CSMD1: variants seen among roughly 807,000 people sequenced by gnomAD.
CSMD1 encodes the protein CUB and Sushi multiple domains 1, also known as CUB and sushi domain-containing protein 1.
In CSMD1, 213 loss-of-function variants were observed where a neutral mutation model predicts 417.5. The ratio of observed to expected loss-of-function variants is 0.51; its 90% CI spans 0.46 to 0.57. The LOEUF is 0.57. CSMD1 is among the 20% of genes least tolerant of loss of function. The pLI, the probability that CSMD1 is intolerant of heterozygous loss-of-function variation, is 0.00. For synonymous variants in CSMD1, 2,862 were observed against 1,736.8 expected (o/e 1.65, Z -16.11); for missense variants, 6,923 against 4,529.7 (o/e 1.53, Z -15.17).
chr8:4,399,115 GT>G (rs566230046), intron 3 of CSMD1, among the ~76,000 whole-genome samples: 2 of 152,102 alleles, frequency 1.3e-5, no homozygotes, highest in South Asian at 4.2e-4. Flanking sequence ...AGCTTTAAGA[GT>G]TTTGTGTTTA....
intron 8 of CSMD1, among the ~76,000 whole-genome samples, chr8:3,607,028 A>T (rs1346767748): frequency 6.6e-6 from 1 of 152,074 alleles, no homozygotes; most frequent in Non-Finnish European, 1.5e-5. Context: ...TACAGTTTTT[A>T]ACTTGTGAGT....
chr8:3,121,763 C>T (rs2129020829), intron 41 of CSMD1, among the ~76,000 whole-genome samples: 1 of 152,194 alleles, frequency 6.6e-6, no homozygotes, highest in Non-Finnish European at 1.5e-5. Context: ...CATACCACTG[C>T]ACTCCAGCCT....
intron 3 of CSMD1, among the ~76,000 whole-genome samples, chr8:4,344,563 T>A (rs780499391): frequency 1.3e-5 from 2 of 150,770 alleles, no homozygotes; most frequent in Non-Finnish European, 3.0e-5. Flanking sequence ...TATAAATATA[T>A]ACATATATAA....
At chr8:4,799,100 C>T (rs752513412) in intron 1 of CSMD1, among the ~76,000 whole-genome samples, 2 of 152,158 alleles carry the variant, frequency 1.3e-5, no homozygotes, top group Admixed American at 6.5e-5. Flanking sequence ...TCTTTCCTTC[C>T]GGGCCATGGG....
intron 44 of CSMD1, among the ~76,000 whole-genome samples, chr8:3,108,315 G>A (rs1215818698): frequency 1.3e-5 from 2 of 152,150 alleles, no homozygotes; most frequent in Admixed American, 1.3e-4. Flanking sequence ...AGACAGGGAT[G>A]AGTAAATCTA....
intron 5 of CSMD1, among the ~76,000 whole-genome samples, chr8:3,917,132 G>C (rs1467669337): frequency 1.3e-5 from 2 of 152,132 alleles, no homozygotes; most frequent in African/African-American, 4.8e-5. Context: ...TAGTCTAAGA[G>C]AATGAGTGCT....
intron 49 of CSMD1, among the ~76,000 whole-genome samples, chr8:3,083,028 C>T (rs1441026893): frequency 3.3e-5 from 5 of 152,270 alleles, no homozygotes; most frequent in East Asian, 1.9e-4. Context: ...GTTTTTCCCA[C>T]GTGGAGTTCT....
At chr8:4,091,815 T>C (rs1341336838) in intron 3 of CSMD1, among the ~76,000 whole-genome samples, 1 of 152,170 alleles carries the variant, frequency 6.6e-6, no homozygotes, top group Admixed American at 6.5e-5. Context: ...GAAGAGGCCT[T>C]ATCCTTAAAA....
chr8:4,110,998 C>G (rs1056700983), intron 3 of CSMD1, among the ~76,000 whole-genome samples: 2 of 152,058 alleles, frequency 1.3e-5, no homozygotes, highest in Admixed American at 1.3e-4. Context: ...AACAAGCTCA[C>G]TAAGAGATGC....
In CSMD1 at chr8:3,309,365, C is replaced by G. The variant is rs556310026; in HGVS notation, c.3632-862G>C. ...CTCCTGAATTACTGCCGACCACACTCCTGATGGTGCATGGTTATGAGGCTC... is the reference window on the plus strand; with the variant it reads ...CTCCTGAATTACTGCCGACCACACTGCTGATGGTGCATGGTTATGAGGCTC... On this transcript the variant is annotated intron_variant, in intron 23 of 69. Transcript: ENST00000635120. Among the ~76,000 whole-genome samples the G allele has an allele frequency of 1.5e-4, 23 of 149,266 alleles. 2 individuals carry two copies. In the South Asian group the frequency reaches 4.8e-3, roughly 31 times the overall value.
intron 5 of CSMD1, among the ~76,000 whole-genome samples, chr8:3,924,487 G>T (rs1486196966): frequency 6.6e-6 from 1 of 152,034 alleles, no homozygotes; most frequent in Non-Finnish European, 1.5e-5. Flanking sequence ...AGACTTCTAT[G>T]ATACATATAT....
intron 5 of CSMD1, among the ~76,000 whole-genome samples, chr8:3,940,766 T>C (rs2554615): frequency 0.2 from 30,503 of 151,802 alleles, 3,290 homozygotes; most frequent in East Asian, 0.28. Flanking sequence ...TTTTGTTGTA[T>C]ACACAGTTCT....
intron 10 of CSMD1, among the ~76,000 whole-genome samples, chr8:3,550,814 T>C (rs1798877266): frequency 2.0e-5 from 3 of 152,198 alleles, no homozygotes; most frequent in African/African-American, 4.8e-5. Context: ...TCGTGAATAC[T>C]TGTTGGATGG....
At chr8:3,990,146 C>A (rs1814635540) in intron 5 of CSMD1, among the ~76,000 whole-genome samples, 2 of 152,076 alleles carry the variant, frequency 1.3e-5, no homozygotes, top group African/African-American at 4.8e-5. Flanking sequence ...TTTAGTTTTA[C>A]TTTTTTATTG....
At chr8:3,310,424 C>A (rs1805238214) in intron 23 of CSMD1, among the ~76,000 whole-genome samples, 1 of 152,172 alleles carries the variant, frequency 6.6e-6, no homozygotes, top group African/African-American at 2.4e-5. Context: ...TGACCACCAG[C>A]AAACTAGAGG....
chr8:3,559,959 G>C (rs867729475), intron 10 of CSMD1, among the ~76,000 whole-genome samples: 3 of 152,256 alleles, frequency 2.0e-5, no homozygotes, highest in African/African-American at 7.2e-5. Context: ...GAGGAAAGCC[G>C]TGCGGAATGA....
At chr8:4,407,892 T>G (rs1010253447) in intron 3 of CSMD1, among the ~76,000 whole-genome samples, 2 of 152,174 alleles carry the variant, frequency 1.3e-5, no homozygotes, top group African/African-American at 4.8e-5. Context: ...TGAGTTAAGA[T>G]GGATAACACA....
chr8:3,182,872 G>GTGTC (rs1821473212), intron 36 of CSMD1: 5 of 136,782 alleles, frequency 3.7e-5, no homozygotes, highest in South Asian at 2.5e-4. Flanking sequence ...GTGTGTGTGT[G>GTGTC]TGTGTGTGTG....
chr8:4,636,231 G>C lies in CSMD1; in HGVS notation c.302+1111C>G, dbSNP rs192573818. On this transcript the variant is annotated intron_variant, in intron 2 of 69. Coordinates refer to ENST00000635120, the MANE Select transcript of CSMD1 (RefSeq NM_033225.6). ...AGGAAAATCTGATTTCTTTGGAAGGGATATTCCTTCTTCCTTTGCCAAATT... is the reference window on the plus strand; with the variant it reads ...AGGAAAATCTGATTTCTTTGGAAGGCATATTCCTTCTTCCTTTGCCAAATT... Among the ~76,000 whole-genome samples the C allele has an allele frequency of 3.1e-3, 477 of 152,098 alleles. 5 individuals carry two copies. The highest frequency in any genetic ancestry group is 0.011 in the African/African-American group (463 of 41,500).
Sources: gnomAD v4.1 joint callset for allele counts (sites outside exome capture counted in the v4.1 genomes callset) on GRCh38, gnomAD v4.1.1 for gene constraint, MANE v1.5 for transcripts, NCBI Gene and HGNC (gene_info 2026-07-23, HGNC 2026-07-21) for gene names.